The following EDEM3 variants were observed in gnomAD, a reference collection of about 807,000 sequenced individuals.
The protein encoded by EDEM3 is ER degradation enhancing alpha-mannosidase like protein 3, also known as ER degradation-enhancing alpha-mannosidase-like protein 3.
In EDEM3, 60 loss-of-function variants were observed where a neutral mutation model predicts 110.2. That is an observed-to-expected ratio of 0.54 (90% CI 0.44 to 0.67). EDEM3 has a LOEUF of 0.67. Ranked by LOEUF, EDEM3 falls within the 30% of genes least tolerant of loss-of-function variation. The probability of loss-of-function intolerance (pLI) is 0.00; values close to 1 mark genes in which losing one functional copy is unlikely to be tolerated. For synonymous variants in EDEM3, 352 were observed against 382.9 expected, an observed-to-expected ratio of 0.92 and a Z score of 0.94; for missense variants, 996 against 1,121.0, an observed-to-expected ratio of 0.89 and a Z score of 1.59.
chr1:184,721,434 T>TA (rs1182265237), intron 8 of EDEM3, 48 bp from the exon 9 acceptor site: 1 of 1,446,896 alleles, frequency 6.9e-7, no homozygotes, highest in Non-Finnish European at 9.4e-7. Flanking sequence ...TTAAAACCGT[T>TA]AAATTTTTTT....
At position 184,749,699 on chromosome 1, in the gene EDEM3, A is replaced by G. The variant is rs1286345838; in HGVS notation, c.159-107T>C. 5.5e-6 allele frequency: 5 copies of G among 904,712 alleles called. No individual in the cohort carries two copies. In the East Asian group the frequency reaches 1.1e-4, roughly 20 times the overall value. The allele number at this position is 904,712 out of a possible 1,614,324, so 56.0% of individuals were successfully genotyped here. On this transcript the variant is annotated intron_variant, in intron 1 of 19. Transcript: ENST00000318130. ...CTTCCTCATAAAAAATATACCAATAAAAACAAAAGAAAAATTTAGGTAGAA... is the reference window on the plus strand; with the variant it reads ...CTTCCTCATAAAAAATATACCAATAGAAACAAAAGAAAAATTTAGGTAGAA...
Position 184,694,300 on chromosome 1 carries a change from A to T in EDEM3, c.2562T>A (p.Asn854Lys), listed in dbSNP as rs1046673277. The T allele has an allele frequency of 3.7e-6, 6 of 1,613,296 alleles. No homozygotes were observed. The highest frequency in any genetic ancestry group is 5.1e-6 in the Non-Finnish European group (6 of 1,179,602). The change falls in exon 20 of 20, where the codon AAT becomes AAA. Residue 854 changes from asparagine to lysine, a missense_variant. By Grantham distance (94) the Asn-to-Lys change is moderately conservative. Coordinates refer to ENST00000318130, the MANE Select transcript of EDEM3 (RefSeq NM_025191.4). ...GTTCAGAAGGGGAAATGCTTGCAGC[A>T]TTGTCCATATCTGCTAGAGATAATG... ...PESLSLADMD[N>K]AASISPSEQT...
intron 2 of EDEM3, among the ~76,000 whole-genome samples, chr1:184,742,641 G>A (rs1281112427): frequency 6.6e-6 from 1 of 152,062 alleles, no homozygotes; most frequent in East Asian, 1.9e-4. Flanking sequence ...CACCTGCCTC[G>A]GCCTCCCAAA....
At chr1:184,739,484 A>C (rs2064605) in intron 2 of EDEM3, among the ~76,000 whole-genome samples, 45,861 of 151,380 alleles carry the variant, frequency 0.3, 8,531 homozygotes, top group East Asian at 0.55. Context: ...AATTTTACTG[A>C]AATTTTAATT....
intron 19 of EDEM3, among the ~76,000 whole-genome samples, chr1:184,701,713 T>C (rs768480533): frequency 1.1e-4 from 16 of 152,060 alleles, no homozygotes; most frequent in Non-Finnish European, 2.2e-4. Flanking sequence ...ATACAGAGGA[T>C]TTAAGACTAG....
At position 184,693,967 on chromosome 1, in the gene EDEM3, C is replaced by T. The variant is rs1426430588; in HGVS notation, c.*96G>A. 7.6e-7 allele frequency: 1 copy of T among 1,310,746 alleles called. No individual in the cohort carries two copies. The highest frequency in any genetic ancestry group is 1.0e-6 in the Non-Finnish European group (1 of 957,276). 81.2% of individuals were successfully genotyped at this position (1,310,746 alleles called of 1,614,324 possible). ...GGTTGTTCATCACCATACTTAAAGC[C>T]TCCCATTAGAAAGCCTGCTTAGTAT... is the stretch of plus-strand genomic sequence containing the variant. On this transcript the variant is annotated 3_prime_UTR_variant, in exon 20 of 20. Transcript: ENST00000318130.
At chr1:184,697,691 G>C (rs1254312963) in intron 19 of EDEM3, among the ~76,000 whole-genome samples, 1 of 151,752 alleles carries the variant, frequency 6.6e-6, no homozygotes, top group African/African-American at 2.4e-5. Flanking sequence ...AATTCCATAT[G>C]ATTTAGAGAC....
rs780657485 is a variant in EDEM3 at position 184,694,357 on chromosome 1, A to C, written c.2505T>G (p.Ser835=). ...QEVDLVDQES[S]EENSLNSHPE... is the part of the protein sequence containing the mutation. ...GGTGAGAATTTAGAGAATTTTCCTC[A>C]GAAGACTCTTGATCAACCAAATCAA... The change falls in exon 20 of 20, where the codon TCT becomes TCG. Residue 835 remains serine, a synonymous_variant. Transcript: ENST00000318130. 1.2e-6 allele frequency: 2 copies of C among 1,612,828 alleles called. No homozygotes were observed. The highest frequency in any genetic ancestry group is 1.7e-6 in the Non-Finnish European group (2 of 1,179,550).
chr1:184,691,045 T>TA lies in EDEM3; in HGVS notation c.*3017dup, dbSNP rs1048824785. 7.7e-4 allele frequency: 118 copies of TA among 152,602 alleles called. No individual in the cohort carries two copies. Among genetic ancestry groups the TA allele is most frequent in the African/African-American group, 2.7e-3 (113 of 41,554 alleles). 9.5% of individuals were successfully genotyped at this position (152,602 alleles called of 1,614,324 possible). A position where few individuals can be genotyped will look rare whatever the true frequency, so the allele number is the denominator to read the frequency against. Reference sequence around the variant, plus strand: ...GAGAGAGTAATTACATTAGTGAAGTTAAAATCAGAAAGTGTACAATTTTTC... The same window carrying TA: ...GAGAGAGTAATTACATTAGTGAAGTTAAAAATCAGAAAGTGTACAATTTTTC... On this transcript the variant is annotated 3_prime_UTR_variant, in exon 20 of 20. Transcript: ENST00000318130.
intron 2 of EDEM3, among the ~76,000 whole-genome samples, chr1:184,744,253 T>C (rs1350139174): frequency 7.7e-5 from 2 of 25,850 alleles, no homozygotes; most frequent in African/African-American, 3.5e-4. Context: ...ATGACAAATA[T>C]ATATATATAT....
At chr1:184,723,292 T>C (rs184535557) in intron 8 of EDEM3, among the ~76,000 whole-genome samples, 1 of 152,076 alleles carries the variant, frequency 6.6e-6, no homozygotes, top group African/African-American at 2.4e-5. Context: ...TTTACAGATA[T>C]GGAATAGAGA....
Position 184,692,745 on chromosome 1 carries a change from C to T in EDEM3, c.*1318G>A, listed in dbSNP as rs1558035833. 7.1e-6 allele frequency: 1 copy of T among 139,948 alleles called. No homozygotes were observed. The highest frequency in any genetic ancestry group is 2.6e-5 in the African/African-American group (1 of 38,872). 8.7% of individuals were successfully genotyped at this position (139,948 alleles called of 1,614,324 possible). On this transcript the variant is annotated 3_prime_UTR_variant, in exon 20 of 20. Coordinates refer to ENST00000318130, the MANE Select transcript of EDEM3 (RefSeq NM_025191.4). The stretch of plus-strand genomic sequence containing the variant: ...CAACAAAATTTAAAAATTTTTAAGA[C>T]TTAAATGTGGCCAGCACCAGACTAC...
At chr1:184,706,210 G>A (rs1466757633) in intron 18 of EDEM3, among the ~76,000 whole-genome samples, 1 of 152,112 alleles carries the variant, frequency 6.6e-6, no homozygotes, top group Non-Finnish European at 1.5e-5. Flanking sequence ...CTGCAATTTT[G>A]TGGTAGAGCC....
chr1:184,732,178 C>T (rs559436559), intron 6 of EDEM3, among the ~76,000 whole-genome samples: 3 of 151,554 alleles, frequency 2.0e-5, no homozygotes, highest in Admixed American at 6.6e-5. Context: ...TCCATTCCCC[C>T]CCACCAAAAA....
At chr1:184,742,189 T>C (rs1225908241) in intron 2 of EDEM3, among the ~76,000 whole-genome samples, 1 of 152,076 alleles carries the variant, frequency 6.6e-6, no homozygotes, top group African/African-American at 2.4e-5. Context: ...GAAATAACTT[T>C]CAAAGCAGGT....
intron 19 of EDEM3, among the ~76,000 whole-genome samples, chr1:184,695,176 C>A (rs1357275933): frequency 2.0e-5 from 3 of 151,970 alleles, no homozygotes; most frequent in East Asian, 3.9e-4. Flanking sequence ...AGGGTTCCTA[C>A]AAGAAAGTGC....
intron 6 of EDEM3, among the ~76,000 whole-genome samples, chr1:184,732,377 A>G (rs1007477977): frequency 6.6e-6 from 1 of 152,054 alleles, no homozygotes; most frequent in African/African-American, 2.4e-5. Flanking sequence ...CAGGTTAGAC[A>G]GAATGAATAA....
chr1:184,691,445 T>C lies in EDEM3; in HGVS notation c.*2618A>G, dbSNP rs1037017960. ...CTTGATTCCAGATTTGTAAACATTA[T>C]ATAAATCTTTCTTAAACAATTTTAT... On this transcript the variant is annotated 3_prime_UTR_variant, in exon 20 of 20. Transcript: ENST00000318130. The C allele has an allele frequency of 3.9e-5, 6 of 152,684 alleles. No individual in the cohort carries two copies. Among genetic ancestry groups the C allele is most frequent in the South Asian group, 2.1e-4 (1 of 4,822 alleles). 9.5% of individuals were successfully genotyped at this position (152,684 alleles called of 1,614,324 possible).
intron 2 of EDEM3, among the ~76,000 whole-genome samples, chr1:184,745,491 A>G (rs1652380479): frequency 6.6e-6 from 1 of 152,184 alleles, no homozygotes; most frequent in Non-Finnish European, 1.5e-5. Flanking sequence ...TGAATGCACA[A>G]CAATATGAAT....
Sources: gnomAD v4.1 joint callset for allele counts (sites outside exome capture counted in the v4.1 genomes callset) on GRCh38, gnomAD v4.1.1 for gene constraint, MANE v1.5 for transcripts, NCBI Gene and HGNC (gene_info 2026-07-23, HGNC 2026-07-21) for gene names.